The following KIAA1549L variants were observed in gnomAD, a reference collection of about 807,000 sequenced individuals.
KIAA1549L encodes UPF0606 protein KIAA1549L.
In KIAA1549L, 88 loss-of-function variants were observed where a neutral mutation model predicts 160.7. That is an observed-to-expected ratio of 0.55 (90% CI 0.46 to 0.65). The LOEUF (loss-of-function observed/expected upper bound fraction) is 0.65, where lower values mean the gene tolerates loss of function less well. KIAA1549L is among the 30% of genes least tolerant of loss of function. KIAA1549L has a pLI of 0.00. For missense variants in KIAA1549L, 2,258 were observed against 2,437.5 expected (o/e 0.93, Z 1.55); for synonymous variants, 950 against 976.7 (o/e 0.97, Z 0.51).
chr11:33,638,151 A>C (rs925975358), intron 16 of KIAA1549L, among the ~76,000 whole-genome samples: 10 of 152,234 alleles, frequency 6.6e-5, no homozygotes, highest in Admixed American at 3.3e-4. Context: ...TTGTTAGTAC[A>C]CAATGTGATG....
chr11:33,458,259 C>G (rs1360951870), intron 1 of KIAA1549L, among the ~76,000 whole-genome samples: 1 of 152,198 alleles, frequency 6.6e-6, no homozygotes, highest in East Asian at 1.9e-4. Context: ...GAATCAATAT[C>G]AAGATAGGAT....
chr11:33,604,020 T>C (rs1432263195), intron 13 of KIAA1549L, among the ~76,000 whole-genome samples: 1 of 152,120 alleles, frequency 6.6e-6, no homozygotes, highest in Non-Finnish European at 1.5e-5. Flanking sequence ...TTATCCATCC[T>C]GGTTACTGGT....
At chr11:33,451,879 C>CAATT (rs1851727853) in intron 1 of KIAA1549L, among the ~76,000 whole-genome samples, 2 of 152,196 alleles carry the variant, frequency 1.3e-5, no homozygotes, top group South Asian at 4.1e-4. Context: ...AGTTCAAGAC[C>CAATT]AATTAGCTGT....
chr11:33,636,931 G>A (rs1851452766), intron 16 of KIAA1549L, among the ~76,000 whole-genome samples: 1 of 152,146 alleles, frequency 6.6e-6, no homozygotes, highest in South Asian at 2.1e-4. Flanking sequence ...GAAGGCTATG[G>A]AGGAACATAA....
rs541954430 is a variant in KIAA1549L, at chr11:33,606,892, A to C, written c.5061+70A>C. On this transcript the variant is annotated intron_variant, in intron 14 of 20. Coordinates refer to ENST00000658780, the MANE Select transcript of KIAA1549L (RefSeq NM_012194.3). ...TGGGAAATTCGGACGAAGGAACAAC[A>C]CCTGTGAATACTGGGTGCAGATTGC... 3.3e-5 allele frequency: 43 copies of C among 1,308,298 alleles called. No homozygotes were observed. In the East Asian group the frequency reaches 1.1e-3, roughly 32 times the overall value. 81.0% of individuals were successfully genotyped at this position (1,308,298 alleles called of 1,614,324 possible).
At chr11:33,620,702 A>G (rs1306294198) in intron 16 of KIAA1549L, among the ~76,000 whole-genome samples, 1 of 152,184 alleles carries the variant, frequency 6.6e-6, no homozygotes, top group Non-Finnish European at 1.5e-5. Context: ...TGGCCTCTGT[A>G]TTCATCCTTC....
intron 1 of KIAA1549L, among the ~76,000 whole-genome samples, chr11:33,474,929 G>T (rs898543339): frequency 2.0e-5 from 3 of 152,140 alleles, no homozygotes; most frequent in Non-Finnish European, 4.4e-5. Context: ...AATTAAGGAG[G>T]GCTGCAATAT....
At chr11:33,569,738 C>T (rs1363250031) in intron 9 of KIAA1549L, among the ~76,000 whole-genome samples, 1 of 152,188 alleles carries the variant, frequency 6.6e-6, no homozygotes, top group Non-Finnish European at 1.5e-5. Context: ...CTGAGATGAC[C>T]TTACCACGAG....
Position 33,645,917 on chromosome 11 carries a change from C to T in KIAA1549L, c.5641C>T (p.His1881Tyr), listed in dbSNP as rs1332439604. 3.1e-6 allele frequency: 5 copies of T among 1,613,298 alleles called. No homozygotes were observed. The highest frequency in any genetic ancestry group is 1.3e-5 in the African/African-American group (1 of 74,930). The change falls in exon 17 of 21, where the codon CAC becomes TAC. Residue 1881 changes from histidine to tyrosine, a missense_variant. Physicochemically the swap from His to Tyr is moderately conservative, Grantham distance 83 (BLOSUM62 2). This residue lies in a region of KIAA1549L where 1,359 missense variants were observed against 1,546.6 expected (regional missense o/e 0.88). Coordinates refer to ENST00000658780, the MANE Select transcript of KIAA1549L (RefSeq NM_012194.3). The stretch of plus-strand genomic sequence containing the variant: ...CCAAGAGGCCTACGGCTCAGCCCAG[C>T]ACCTGCCCTATTCGGAGGTGGTGAC... ...RHQEAYGSAQ[H>Y]LPYSEVVTSA...
chr11:33,487,333 C>G (rs1216687753), intron 1 of KIAA1549L, among the ~76,000 whole-genome samples: 1 of 151,054 alleles, frequency 6.6e-6, no homozygotes, highest in South Asian at 2.1e-4. Context: ...ACCAAGAAGT[C>G]TAGCCCACTA....
At chr11:33,512,777 A>G (rs565654583) in intron 1 of KIAA1549L, among the ~76,000 whole-genome samples, 80 of 152,318 alleles carry the variant, frequency 5.3e-4, no homozygotes, top group South Asian at 1.2e-3. Context: ...CAGTTCTCAC[A>G]TCAGTTACAT....
chr11:33,403,811 T>C (rs1850589840), intron 1 of KIAA1549L, among the ~76,000 whole-genome samples: 1 of 152,200 alleles, frequency 6.6e-6, no homozygotes, highest in African/African-American at 2.4e-5. Context: ...TCACAGTTCA[T>C]ACTTTGAAAA....
chr11:33,483,513 T>C (rs1019230972), intron 1 of KIAA1549L, among the ~76,000 whole-genome samples: 7 of 152,130 alleles, frequency 4.6e-5, no homozygotes, highest in Admixed American at 2.6e-4. Context: ...GGCATACCAC[T>C]GGGCATGGCA....
chr11:33,395,179 G>T (rs2134054684), intron 1 of KIAA1549L, among the ~76,000 whole-genome samples: 1 of 152,350 alleles, frequency 6.6e-6, no homozygotes, highest in East Asian at 1.9e-4. Flanking sequence ...GTCAACTCTA[G>T]CAGGACAGGA....
chr11:33,427,255 A>G (rs1322523869), intron 1 of KIAA1549L, among the ~76,000 whole-genome samples: 1 of 104,278 alleles, frequency 9.6e-6, no homozygotes, highest in Non-Finnish European at 2.4e-5. Context: ...AAACAGGTAG[A>G]AGAGGATTTC....
chr11:33,435,798 A>ATATGTGTGTGTGTGTGTGTG (rs1565135870), intron 1 of KIAA1549L, among the ~76,000 whole-genome samples: 94 of 7,616 alleles, frequency 0.012, 4 homozygotes, highest in Non-Finnish European at 0.015. Flanking sequence ...ATATATATAT[A>ATATGTGTGTGTGTGTGTGTG]TATATATATA....
At position 33,602,167 on chromosome 11, in the gene KIAA1549L, G is replaced by C. The variant is rs567676156; in HGVS notation, c.4879+3220G>C. Among the ~76,000 whole-genome samples, 7 of 152,268 alleles carry C rather than the reference G, an allele frequency of 4.6e-5. No individual in the cohort carries two copies. In the East Asian group the frequency reaches 1.3e-3, roughly 29 times the overall value. On this transcript the variant is annotated intron_variant, in intron 13 of 20. Transcript: ENST00000658780. Reference sequence around the variant, plus strand: ...CTTTATGTCACTGAGAGAATTCACTGGTAGGGCTCAGAATCTATTAATAAT... The same window carrying C: ...CTTTATGTCACTGAGAGAATTCACTCGTAGGGCTCAGAATCTATTAATAAT...
chr11:33,424,204 G>T (rs1381055924), intron 1 of KIAA1549L, among the ~76,000 whole-genome samples: 2 of 152,136 alleles, frequency 1.3e-5, no homozygotes, highest in Non-Finnish European at 2.9e-5. Context: ...TTTTTGTGAT[G>T]CTCAAGGCAG....
intron 1 of KIAA1549L, among the ~76,000 whole-genome samples, chr11:33,404,545 A>G (rs1002945331): frequency 4.6e-5 from 7 of 151,994 alleles, no homozygotes; most frequent in Admixed American, 6.5e-5. Context: ...CAAACAAAAC[A>G]AAACAAAAAC....
Sources: gnomAD v4.1 joint callset for allele counts (sites outside exome capture counted in the v4.1 genomes callset) on GRCh38, gnomAD v4.1.1 for gene constraint, gnomAD v4.1.1 regional missense constraint, MANE v1.5 for transcripts, NCBI Gene and HGNC (gene_info 2026-07-23, HGNC 2026-07-21) for gene names.